KCNIP4: variants seen among roughly 807,000 people sequenced by gnomAD.
KCNIP4 encodes the protein potassium voltage-gated channel interacting protein 4.
A neutral mutation model predicts 34.0 loss-of-function variants in KCNIP4; 12 were observed. The observed-to-expected ratio is 0.35, with a 90% confidence interval of 0.23 to 0.57. KCNIP4 has a LOEUF of 0.57. Among genes scored for constraint, KCNIP4 ranks in the 20% least tolerant of loss-of-function variants. The pLI is 0.83. For missense variants in KCNIP4, 238 were observed against 311.7 expected, an observed-to-expected ratio of 0.76 and a Z score of 1.78; for synonymous variants, 124 against 102.2, an observed-to-expected ratio of 1.21 and a Z score of -1.29.
chr4:21,925,088 TTTA>T (rs1157825680), intron 1 of KCNIP4, among the ~76,000 whole-genome samples: 1 of 152,130 alleles, frequency 6.6e-6, no homozygotes, highest in Non-Finnish European at 1.5e-5. Flanking sequence ...TTTTTTTTAT[TTTA>T]TTATTATTAT....
At chr4:21,398,313 C>T (rs1026566991) in intron 1 of KCNIP4, among the ~76,000 whole-genome samples, 3 of 152,132 alleles carry the variant, frequency 2.0e-5, no homozygotes, top group Non-Finnish European at 2.9e-5. Context: ...AGATTCATTA[C>T]GTTAAAATTG....
chr4:20,792,949 A>T (rs374090241), intron 3 of KCNIP4, among the ~76,000 whole-genome samples: 4 of 152,172 alleles, frequency 2.6e-5, no homozygotes, highest in African/African-American at 9.6e-5. Flanking sequence ...ACAAACTAAA[A>T]CTTTCATGTA....
chr4:21,082,748 G>T (rs949588821), intron 1 of KCNIP4, among the ~76,000 whole-genome samples: 1 of 151,760 alleles, frequency 6.6e-6, no homozygotes, highest in Non-Finnish European at 1.5e-5. Flanking sequence ...AATCTGATTT[G>T]CTCTCCTCCA....
chr4:21,519,592 GTGTATA>G (rs1285908859), intron 1 of KCNIP4, among the ~76,000 whole-genome samples: 1 of 92,298 alleles, frequency 1.1e-5, no homozygotes, highest in East Asian at 4.2e-4. Flanking sequence ...GTGTATGTAT[GTGTATA>G]TATACACATA....
chr4:21,115,590 T>C (rs16870429), intron 1 of KCNIP4, among the ~76,000 whole-genome samples: 10,594 of 152,210 alleles, frequency 0.07, 479 homozygotes, highest in East Asian at 0.18. Context: ...TCAGCTTTAG[T>C]AGGAGTTTAA....
At chr4:20,852,421 A>G (rs1721133696) in intron 2 of KCNIP4, among the ~76,000 whole-genome samples, 1 of 152,192 alleles carries the variant, frequency 6.6e-6, no homozygotes, top group African/African-American at 2.4e-5. Flanking sequence ...AACAAAATCC[A>G]ACATTCCTTT....
rs191074335 is a variant in KCNIP4 at position 21,018,792 on chromosome 4, G to C, written c.62-136083C>G. Among the ~76,000 whole-genome samples the C allele has an allele frequency of 1.9e-3, 288 of 152,162 alleles. 6 individuals carry two copies. In the South Asian group the frequency reaches 0.053, roughly 28 times the overall value. ...CGCTGACATGCTTCTTGGGATACTTGGACTAACATAGAAAGTATTAGTGAG... is the reference window on the plus strand; with the variant it reads ...CGCTGACATGCTTCTTGGGATACTTCGACTAACATAGAAAGTATTAGTGAG... On this transcript the variant is annotated intron_variant, in intron 1 of 8. Coordinates refer to ENST00000382152, the MANE Select transcript of KCNIP4 (RefSeq NM_025221.6).
In KCNIP4 at chr4:20,909,314, T is replaced by C. The variant is rs563909537; in HGVS notation, c.62-26605A>G. Among the ~76,000 whole-genome samples, 3 of 152,334 alleles carry C rather than the reference T, an allele frequency of 2.0e-5. No homozygotes were observed. In the South Asian group the frequency reaches 6.2e-4, roughly 32 times the overall value. ...TCATAGAGCATATTAGAGTGGGTGA[T>C]GTTATATGCAAGAAATGTATGGCCC... is the stretch of plus-strand genomic sequence containing the variant. On this transcript the variant is annotated intron_variant, in intron 1 of 8. Transcript: ENST00000382152.
At chr4:21,703,223 C>G (rs1338850876) in intron 1 of KCNIP4, among the ~76,000 whole-genome samples, 2 of 152,016 alleles carry the variant, frequency 1.3e-5, no homozygotes, top group African/African-American at 4.8e-5. Flanking sequence ...CAATGTTATT[C>G]AACATAGTGT....
chr4:21,361,465 T>G (rs2109407257), intron 1 of KCNIP4, among the ~76,000 whole-genome samples: 1 of 152,066 alleles, frequency 6.6e-6, no homozygotes, highest in South Asian at 2.1e-4. Flanking sequence ...AGAAAGACAT[T>G]ATCTAGCACA....
intron 1 of KCNIP4, among the ~76,000 whole-genome samples, chr4:21,691,587 C>A (rs1711636243): frequency 6.6e-6 from 1 of 151,236 alleles, no homozygotes; most frequent in African/African-American, 2.4e-5. Context: ...TATTGTGAAA[C>A]TTAAACGTTT....
Position 21,596,380 on chromosome 4 carries a change from T to C in KCNIP4, c.61+352191A>G, listed in dbSNP as rs1742643900. Among the ~76,000 whole-genome samples the C allele has an allele frequency of 3.9e-5, 6 of 152,166 alleles. No homozygotes were observed. In the South Asian group the frequency reaches 1.2e-3, roughly 31 times the overall value. ...ATTTATATATATGTTACAAGAAGTC[T>C]ATTGACTCTGTAAATGGTAAAATCT... On this transcript the variant is annotated intron_variant, in intron 1 of 8. Transcript: ENST00000382152.
At chr4:21,815,278 T>A (rs574664107) in intron 1 of KCNIP4, among the ~76,000 whole-genome samples, 69 of 152,234 alleles carry the variant, frequency 4.5e-4, no homozygotes, top group African/African-American at 1.6e-3. Context: ...GAGAATCAAA[T>A]GTGCTAATAT....
intron 1 of KCNIP4, among the ~76,000 whole-genome samples, chr4:21,525,560 G>T (rs1195324713): frequency 6.6e-6 from 1 of 152,062 alleles, no homozygotes; most frequent in East Asian, 1.9e-4. Context: ...TTACTCATTG[G>T]TATAGCGGCA....
At chr4:21,792,278 T>C (rs11939307) in intron 1 of KCNIP4, among the ~76,000 whole-genome samples, 2,680 of 152,256 alleles carry the variant, frequency 0.018, 72 homozygotes, top group African/African-American at 0.06. Flanking sequence ...GGAGATGTTA[T>C]GGAGCTCTAC....
At chr4:21,793,372 C>G (rs1720418564) in intron 1 of KCNIP4, among the ~76,000 whole-genome samples, 2 of 152,098 alleles carry the variant, frequency 1.3e-5, no homozygotes, top group Non-Finnish European at 2.9e-5. Context: ...ATTCTTCTGC[C>G]TCAGCCACCC....
intron 1 of KCNIP4, among the ~76,000 whole-genome samples, chr4:21,822,577 A>G (rs1435300663): frequency 6.6e-6 from 1 of 152,188 alleles, no homozygotes; most frequent in African/African-American, 2.4e-5. Context: ...GGTAGTTTAC[A>G]TGGGATTACA....
intron 1 of KCNIP4, among the ~76,000 whole-genome samples, chr4:21,696,764 A>C (rs569465210): frequency 6.6e-6 from 1 of 152,286 alleles, no homozygotes; most frequent in East Asian, 1.9e-4. Flanking sequence ...GAAAATTTTT[A>C]AACATTGAAA....
intron 2 of KCNIP4, among the ~76,000 whole-genome samples, chr4:20,873,512 C>T (rs1473473168): frequency 6.6e-6 from 1 of 152,130 alleles, no homozygotes; most frequent in Non-Finnish European, 1.5e-5. Context: ...CACTGAGTTT[C>T]AGTTGGTTCA....
Sources: allele counts gnomAD v4.1 joint callset (sites outside exome capture counted in the v4.1 genomes callset), GRCh38; gene constraint gnomAD v4.1.1; transcripts MANE v1.5; gene names NCBI Gene and HGNC (gene_info 2026-07-23, HGNC 2026-07-21).